Variants in TNFRSF19 observed in about 807,000 individuals in gnomAD.
The protein encoded by TNFRSF19 is TNF receptor superfamily member 19.
Under a neutral mutation model 46.4 loss-of-function variants are expected in TNFRSF19, and 27 were observed. The observed-to-expected ratio is 0.58, with a 90% CI of 0.43 to 0.80. TNFRSF19 has a LOEUF of 0.80. Among genes scored for constraint, TNFRSF19 ranks in the 30% least tolerant of loss-of-function variants. TNFRSF19 has a pLI of 0.00. For missense variants in TNFRSF19, 511 were observed against 530.8 expected (o/e 0.96, Z 0.37); for synonymous variants, 204 against 205.0 (o/e 1.00, Z 0.04).
intron 3 of TNFRSF19, among the ~76,000 whole-genome samples, chr13:23,595,458 A>G (rs1466500331): frequency 6.6e-6 from 1 of 152,214 alleles, no homozygotes; most frequent in Non-Finnish European, 1.5e-5. Flanking sequence ...AACTTCATGA[A>G]GCATACACAA....
intron 1 of TNFRSF19, among the ~76,000 whole-genome samples, chr13:23,580,062 A>G (rs1175261955): frequency 1.3e-5 from 2 of 152,184 alleles, no homozygotes; most frequent in Non-Finnish European, 1.5e-5. Context: ...AATTATTAGT[A>G]TATTGATGAG....
At chr13:23,593,206 A>G (rs1002431688) in intron 2 of TNFRSF19, 139 bp from the exon 3 acceptor site, 19 of 516,892 alleles carry the variant, frequency 3.7e-5, no homozygotes, top group Non-Finnish European at 5.3e-5. Flanking sequence ...TTTTCTTCCT[A>G]AAGTGAACAT....
At chr13:23,651,527 G>A (rs1310693778) in intron 5 of TNFRSF19, among the ~76,000 whole-genome samples, 1 of 152,136 alleles carries the variant, frequency 6.6e-6, no homozygotes, top group Non-Finnish European at 1.5e-5. Context: ...CTCAAAGGTG[G>A]AAGCCCAGAC....
intron 1 of TNFRSF19, among the ~76,000 whole-genome samples, chr13:23,586,980 AATGC>A (rs57333546): frequency 0.1 from 15,147 of 151,908 alleles, 860 homozygotes; most frequent in Non-Finnish European, 0.12. Flanking sequence ...TCCTCCAAGA[AATGC>A]ATGCTAGACT....
chr13:23,586,234 G>C (rs1194470795), intron 1 of TNFRSF19, among the ~76,000 whole-genome samples: 2 of 144,936 alleles, frequency 1.4e-5, no homozygotes, highest in Non-Finnish European at 3.0e-5. Flanking sequence ...CTCCAGCCTG[G>C]GTGACAGAGC....
chr13:23,583,543 TG>T (rs1878612322), intron 1 of TNFRSF19, among the ~76,000 whole-genome samples: 1 of 152,148 alleles, frequency 6.6e-6, no homozygotes, highest in African/African-American at 2.4e-5. Context: ...TTTTAAAACC[TG>T]GGTTTTAAAA....
In TNFRSF19 at chr13:23,668,757, G is replaced by A; in HGVS notation, c.905G>A (p.Gly302Asp). The A allele has an allele frequency of 6.2e-7, 1 of 1,614,240 alleles. No homozygotes were observed. The highest frequency in any genetic ancestry group is 8.5e-7 in the Non-Finnish European group (1 of 1,180,040). The stretch of plus-strand genomic sequence containing the variant: ...GGATCCCTCACGCAGTCCATCTGTG[G>A]CGAGTTTTCAGATGCCTGGCCTCTG... Reference protein sequence around the residue: ...FFGSLTQSICGEFSDAWPLMQ... With the variant: ...FFGSLTQSICDEFSDAWPLMQ... Residue 302 changes from glycine to aspartate, a missense_variant, in exon 9 of 10, where the codon GGC becomes GAC. Gly to Asp is a moderately conservative substitution (Grantham distance 94). Coordinates refer to ENST00000248484, the MANE Select transcript of TNFRSF19 (RefSeq NM_148957.4).
intron 7 of TNFRSF19, 62 bp from the exon 8 acceptor site, chr13:23,667,918 T>C (rs1331230900): frequency 7.2e-7 from 1 of 1,392,188 alleles, no homozygotes; most frequent in African/African-American, 1.4e-5. Context: ...TGTTGAAGTG[T>C]TATTAAAGTG....
At chr13:23,651,106 C>G (rs1013956287) in intron 5 of TNFRSF19, among the ~76,000 whole-genome samples, 5 of 152,120 alleles carry the variant, frequency 3.3e-5, no homozygotes, top group African/African-American at 9.7e-5. Flanking sequence ...TTGAAGAGAG[C>G]TCTTTGTTAA....
chr13:23,625,421 C>T (rs534118572), intron 4 of TNFRSF19, among the ~76,000 whole-genome samples: 15 of 151,140 alleles, frequency 9.9e-5, no homozygotes, highest in African/African-American at 2.7e-4. Flanking sequence ...CTCCACCTCC[C>T]GGGTTCACGC....
rs564421764 is a variant in TNFRSF19 at position 23,616,946 on chromosome 13, A to G, written c.359+901A>G. Among the ~76,000 whole-genome samples, 11 of 152,314 alleles carry G rather than the reference A, an allele frequency of 7.2e-5. No individual in the cohort carries two copies. The East Asian group carries it at 9.6e-4, about 13-fold the overall frequency. On this transcript the variant is annotated intron_variant, in intron 4 of 9. Transcript: ENST00000248484. ...GAAGCAAATTATGCAGAAAGATAGA[A>G]GATGATAACTGCTATGGAAGAAACC...
chr13:23,670,129 A>G (rs565322486), intron 9 of TNFRSF19, among the ~76,000 whole-genome samples: 2 of 152,282 alleles, frequency 1.3e-5, no homozygotes, highest in South Asian at 2.1e-4. Context: ...GTGAACGCTG[A>G]TATGTTCCTT....
At chr13:23,616,613 G>T (rs552243562) in intron 4 of TNFRSF19, among the ~76,000 whole-genome samples, 98 of 152,090 alleles carry the variant, frequency 6.4e-4, no homozygotes, top group African/African-American at 2.4e-3. Context: ...ATGGAATTTC[G>T]CTCTTGTCAC....
intron 5 of TNFRSF19, among the ~76,000 whole-genome samples, chr13:23,633,128 T>TTC (rs1189987433): frequency 6.6e-6 from 1 of 151,214 alleles, no homozygotes; most frequent in African/African-American, 2.4e-5. Context: ...TTTTTTTTTT[T>TTC]GAGACAGTCT....
At chr13:23,651,020 G>A (rs1883596414) in intron 5 of TNFRSF19, among the ~76,000 whole-genome samples, 1 of 152,146 alleles carries the variant, frequency 6.6e-6, no homozygotes, top group East Asian at 1.9e-4. Flanking sequence ...GTGTTACATA[G>A]ATATTTTTGC....
chr13:23,579,194 C>A (rs1486403635), intron 1 of TNFRSF19, among the ~76,000 whole-genome samples: 2 of 152,226 alleles, frequency 1.3e-5, no homozygotes, highest in Non-Finnish European at 2.9e-5. Flanking sequence ...GGAGTGGGGG[C>A]CTCCAAAGAA....
At chr13:23,634,567 C>G (rs760332095) in intron 5 of TNFRSF19, among the ~76,000 whole-genome samples, 7 of 152,298 alleles carry the variant, frequency 4.6e-5, no homozygotes, top group Non-Finnish European at 8.8e-5. Context: ...GGACTTAAGT[C>G]CACACGTAGT....
intron 9 of TNFRSF19, among the ~76,000 whole-genome samples, chr13:23,673,160 C>T (rs74798739): frequency 0.033 from 5,070 of 152,156 alleles, 309 homozygotes; most frequent in African/African-American, 0.12. Context: ...TGGGTGACTA[C>T]GAATTGTTAT....
At chr13:23,616,174 G>A in intron 4 of TNFRSF19, 129 bp downstream of exon 4, 2 of 985,392 alleles carry the variant, frequency 2.0e-6, no homozygotes, top group South Asian at 3.8e-5. Flanking sequence ...GAGTATTTGT[G>A]ACTTCTTTCA....
Sources: gnomAD v4.1 joint callset for allele counts (sites outside exome capture counted in the v4.1 genomes callset) on GRCh38, gnomAD v4.1.1 for gene constraint, MANE v1.5 for transcripts, NCBI Gene and HGNC (gene_info 2026-07-23, HGNC 2026-07-21) for gene names.